The following SMC3 variants were observed in gnomAD, a reference collection of about 807,000 sequenced individuals.
SMC3 encodes the protein structural maintenance of chromosomes protein 3.
A neutral mutation model predicts 171.8 loss-of-function variants in SMC3; 20 were observed. The ratio of observed to expected loss-of-function variants is 0.12; its 90% CI spans 0.08 to 0.17. SMC3 has a LOEUF of 0.17. SMC3 is among the 10% of genes least tolerant of loss of function. The pLI is 1.00. For synonymous variants in SMC3, 464 were observed against 451.1 expected (o/e 1.03, Z -0.36); for missense variants, 543 against 1,420.4 (o/e 0.38, Z 9.93).
At position 110,583,368 on chromosome 10, in the gene SMC3, T is replaced by G; in HGVS notation, c.805-16T>G. 6.2e-7 allele frequency: 1 copy of G among 1,606,314 alleles called. No homozygotes were observed. The highest frequency in any genetic ancestry group is 1.1e-5 in the South Asian group (1 of 90,768). On this transcript the variant is annotated splice_polypyrimidine_tract_variant and intron_variant, in intron 10 of 28. Transcript: ENST00000361804. ...ACTTCTAATTGCCTTATTTTCTGTT[T>G]AATACTTTTGAATAGGATATCGAAC...
chr10:110,584,344 A>C lies in SMC3; in HGVS notation c.1253A>C (p.Lys418Thr), dbSNP rs1167274940. The C allele has an allele frequency of 6.2e-7, 1 of 1,613,916 alleles. No homozygotes were observed. The highest frequency in any genetic ancestry group is 1.3e-5 in the African/African-American group (1 of 74,920). Reference protein sequence around the residue: ...DKKRQIAAIHKDLEDTEANKE... With the variant: ...DKKRQIAAIHTDLEDTEANKE... Reference sequence around the variant, plus strand: ...AAAAGACAGATTGCTGCTATACATAAGGATTTGGAAGACACTGAAGCAAAT... The same window carrying C: ...AAAAGACAGATTGCTGCTATACATACGGATTTGGAAGACACTGAAGCAAAT... The change falls in exon 13 of 29, where the codon AAG becomes ACG. Residue 418 changes from lysine (K) to threonine (T), a missense_variant. Lys to Thr is a moderately conservative substitution (Grantham distance 78). Coordinates refer to ENST00000361804, the MANE Select transcript of SMC3 (RefSeq NM_005445.4).
In SMC3 at chr10:110,567,735, C is replaced by T; in HGVS notation, c.-82C>T. 4 of 1,544,716 alleles carry T rather than the reference C, an allele frequency of 2.6e-6. No homozygotes were observed. The highest frequency in any genetic ancestry group is 3.6e-6 in the Non-Finnish European group (4 of 1,120,964). On this transcript the variant is annotated 5_prime_UTR_variant, in exon 1 of 29. Transcript: ENST00000361804. ...GCGAGCGGCGCTTTGGGGGAGGGGT[C>T]GCGTAGGCGCCTCACCTGACCCTGC...
At position 110,605,629 on chromosome 10, in the gene SMC3, G is replaced by A. The variant is rs188984199; in HGVS notation, c.*1327G>A. Among the ~76,000 whole-genome samples the A allele has an allele frequency of 2.2e-4, 34 of 152,126 alleles. No homozygotes were observed. Among genetic ancestry groups the A allele is most frequent in the Admixed American group, 1.3e-4 (2 of 15,282 alleles). ...TGACTGGCTGAATCTTTAAATGTTCGGTGTATTATTTATACTTTGTAGCTT... is the reference window on the plus strand; with the variant it reads ...TGACTGGCTGAATCTTTAAATGTTCAGTGTATTATTTATACTTTGTAGCTT... On this transcript the variant is annotated 3_prime_UTR_variant, in exon 29 of 29. Transcript: ENST00000361804.
At chr10:110,586,966 T>C (rs966987752) in intron 13 of SMC3, among the ~76,000 whole-genome samples, 3 of 152,172 alleles carry the variant, frequency 2.0e-5, no homozygotes, top group Non-Finnish European at 4.4e-5. Flanking sequence ...GTAAATAGGC[T>C]TTTGCCTCTT....
chr10:110,600,930 T>G, intron 22 of SMC3, 92 bp from the exon 23 acceptor site: 1 of 871,684 alleles, frequency 1.1e-6, no homozygotes, highest in Non-Finnish European at 1.9e-6. Flanking sequence ...TATATTTTTT[T>G]GTTTTCTTGA....
intron 2 of SMC3, 26 bp downstream of exon 2, chr10:110,569,039 ATATT>A: frequency 7.4e-7 from 1 of 1,356,896 alleles, no homozygotes; most frequent in Non-Finnish European, 1.1e-6. Context: ...TTACTCGGTC[ATATT>A]TATAGTCTAT....
In SMC3 at chr10:110,593,087, G is replaced by C; in HGVS notation, c.1827G>C (p.Met609Ile). 1 of 1,613,976 alleles carries C rather than the reference G, an allele frequency of 6.2e-7. No homozygotes were observed. The highest frequency in any genetic ancestry group is 8.5e-7 in the Non-Finnish European group (1 of 1,179,880). Residue 609 changes from methionine (M) to isoleucine (I), a missense_variant, in exon 18 of 29, where the codon ATG (methionine) becomes ATC (isoleucine). Around this residue, in one of 8 missense-constraint regions of SMC3, gnomAD observed 218 missense variants for 509.6 expected, o/e 0.43. Transcript: ENST00000361804. ...TTCATTTTTAGGATGCTATTCCTAT[G>C]ATCAGCAAACTGAGGTACAATCCCA... ...AYPETNDAIP[M>I]ISKLRYNPRF...
chr10:110,572,621 AG>A (rs1240114014), intron 2 of SMC3, among the ~76,000 whole-genome samples: 1 of 152,118 alleles, frequency 6.6e-6, no homozygotes, highest in Non-Finnish European at 1.5e-5. Context: ...TCCACTGTGT[AG>A]GTATTATTTT....
In SMC3 at chr10:110,605,817, A is replaced by G. The variant is rs1348237094; in HGVS notation, c.*1515A>G. Reference sequence around the variant, plus strand: ...AAACAACTACCTAAGAATATTCATCATGAATGCTTGGTGTATAGTTTACGA... The same window carrying G: ...AAACAACTACCTAAGAATATTCATCGTGAATGCTTGGTGTATAGTTTACGA... On this transcript the variant is annotated 3_prime_UTR_variant, in exon 29 of 29. Coordinates refer to ENST00000361804, the MANE Select transcript of SMC3 (RefSeq NM_005445.4). 2.6e-5 allele frequency among the ~76,000 whole-genome samples: 4 copies of G among 152,202 alleles called. No individual in the cohort carries two copies. The highest frequency in any genetic ancestry group is 4.4e-5 in the Non-Finnish European group (3 of 68,016).
Position 110,605,217 on chromosome 10 carries a change from GAA to G in SMC3, c.*916_*917del, listed in dbSNP as rs1428776043. ...TGTACTTGCCAGGTTTCTTTGTTGT[GAA>G]GTTACATTTTTTTCCCTTTCCATAC... On this transcript the variant is annotated 3_prime_UTR_variant, in exon 29 of 29. Coordinates refer to ENST00000361804, the MANE Select transcript of SMC3 (RefSeq NM_005445.4). Among the ~76,000 whole-genome samples the G allele has an allele frequency of 6.6e-6, 1 of 152,090 alleles. No individual in the cohort carries two copies. Among genetic ancestry groups the G allele is most frequent in the Non-Finnish European group, 1.5e-5 (1 of 67,994 alleles).
At chr10:110,571,735 C>A (rs542231318) in intron 2 of SMC3, among the ~76,000 whole-genome samples, 19 of 152,016 alleles carry the variant, frequency 1.2e-4, no homozygotes, top group South Asian at 1.0e-3. Context: ...TACCTCAGTA[C>A]GTTTTTAGTC....
intron 1 of SMC3, 127 bp downstream of exon 1, chr10:110,567,958 C>A: frequency 1.7e-6 from 2 of 1,208,356 alleles, no homozygotes; most frequent in Non-Finnish European, 2.4e-6. Context: ...TGGGCGGGGA[C>A]TGTGGGGGAG....
At chr10:110,576,026 C>T (rs757503935) in intron 4 of SMC3, among the ~76,000 whole-genome samples, 21 of 152,122 alleles carry the variant, frequency 1.4e-4, no homozygotes, top group Non-Finnish European at 2.5e-4. Flanking sequence ...GTATGAAAAA[C>T]AGTAGAGATG....
chr10:110,570,057 C>T (rs1472589146), intron 2 of SMC3, among the ~76,000 whole-genome samples: 3 of 152,082 alleles, frequency 2.0e-5, no homozygotes, highest in Admixed American at 6.6e-5. Context: ...TTCTCATAGT[C>T]TGGAGGTCAG....
In SMC3 at chr10:110,603,045, C is replaced by T. The variant is rs370906843; in HGVS notation, c.3475+43C>T. ...TTTTGGTTTTGTATTTAACAATAAG[C>T]TGGTAATATTTGCTGATGTATATAT... On this transcript the variant is annotated intron_variant, in intron 27 of 28. Transcript: ENST00000361804. The T allele has an allele frequency of 7.5e-6, 12 of 1,599,720 alleles. No homozygotes were observed. The East Asian group carries it at 1.1e-4, about 15-fold the overall frequency.
chr10:110,585,445 C>T (rs1369663701), intron 13 of SMC3, among the ~76,000 whole-genome samples: 1 of 151,798 alleles, frequency 6.6e-6, no homozygotes, highest in African/African-American at 2.4e-5. Flanking sequence ...CCTGCCACCA[C>T]GCCCGGCTAA....
At chr10:110,572,269 A>C (rs932296278) in intron 2 of SMC3, among the ~76,000 whole-genome samples, 1 of 152,166 alleles carries the variant, frequency 6.6e-6, no homozygotes, top group Admixed American at 6.5e-5. Flanking sequence ...CTCTTTCATA[A>C]TCACAGTACA....
rs375351999 is a variant in SMC3, at chr10:110,604,639, G to T, written c.*337G>T. 10 of 274,524 alleles carry T rather than the reference G, an allele frequency of 3.6e-5. No individual in the cohort carries two copies. In the East Asian group the frequency reaches 5.9e-4, roughly 16 times the overall value. The allele number at this position is 274,524 out of a possible 1,614,324, so 17.0% of individuals were successfully genotyped here. On this transcript the variant is annotated 3_prime_UTR_variant, in exon 29 of 29. Transcript: ENST00000361804. ...AATAATCGGTTTTATGACTAATATA[G>T]TGTTTTATGTGGCTTTTCATTTGTC... is the stretch of plus-strand genomic sequence containing the variant.
At chr10:110,596,779 C>A (rs1170171683) in intron 19 of SMC3, among the ~76,000 whole-genome samples, 1 of 150,868 alleles carries the variant, frequency 6.6e-6, no homozygotes, top group African/African-American at 2.4e-5. Flanking sequence ...ACCCATAGAA[C>A]ACAAAAATAA....
Sources: gnomAD v4.1 joint callset for allele counts (sites outside exome capture counted in the v4.1 genomes callset) on GRCh38, gnomAD v4.1.1 for gene constraint, gnomAD v4.1.1 regional missense constraint, MANE v1.5 for transcripts, NCBI Gene and HGNC (gene_info 2026-07-23, HGNC 2026-07-21) for gene names.